DPP10: variants seen among roughly 807,000 people sequenced by gnomAD.
DPP10 encodes the protein inactive dipeptidyl peptidase 10.
In DPP10, 33 loss-of-function variants were observed where a neutral mutation model predicts 120.9. The ratio of observed to expected loss-of-function variants is 0.27; its 90% CI spans 0.21 to 0.37. The LOEUF is 0.37. Among genes scored for constraint, DPP10 ranks in the 10% least tolerant of loss-of-function variants. The pLI, the probability that DPP10 is intolerant of heterozygous loss-of-function variation, is 1.00. For synonymous variants in DPP10, 337 were observed against 326.1 expected (o/e 1.03, Z -0.36); for missense variants, 816 against 942.8 (o/e 0.87, Z 1.76).
Position 115,843,408 on chromosome 2 carries a change from T to C in DPP10, c.*1063T>C, listed in dbSNP as rs1336948517. 1 of 152,606 alleles carries C rather than the reference T, an allele frequency of 6.6e-6. No homozygotes were observed. The highest frequency in any genetic ancestry group is 2.4e-5 in the African/African-American group (1 of 41,462). 9.5% of individuals were successfully genotyped at this position (152,606 alleles called of 1,614,324 possible). On this transcript the variant is annotated 3_prime_UTR_variant, in exon 26 of 26. Transcript: ENST00000410059. ...CTCTTGGTCCTTTTACTTCTTTCTC[T>C]CAGTGCAGAATCAATTCTCATTTTC... is the stretch of plus-strand genomic sequence containing the variant.
chr2:115,380,230 G>A (rs1209113086), intron 3 of DPP10, among the ~76,000 whole-genome samples: 1 of 152,130 alleles, frequency 6.6e-6, no homozygotes, highest in African/African-American at 2.4e-5. Flanking sequence ...ATGAACATGG[G>A]TGCTCCTGTA....
chr2:114,944,851 G>T (rs75023819), intron 1 of DPP10, among the ~76,000 whole-genome samples: 142 of 152,204 alleles, frequency 9.3e-4, no homozygotes, highest in African/African-American at 3.2e-3. Context: ...AGGAGTTTTT[G>T]CAATGACTTA....
intron 5 of DPP10, among the ~76,000 whole-genome samples, chr2:115,570,981 A>G (rs1268185352): frequency 2.0e-5 from 3 of 152,174 alleles, no homozygotes; most frequent in African/African-American, 7.2e-5. Context: ...GTCGGTGGGC[A>G]TTAACCACAG....
chr2:114,916,187 T>C (rs1438566954), intron 1 of DPP10, among the ~76,000 whole-genome samples: 1 of 152,100 alleles, frequency 6.6e-6, no homozygotes, highest in African/African-American at 2.4e-5. Context: ...CTCAGAGGTT[T>C]TTATGAACAC....
intron 1 of DPP10, among the ~76,000 whole-genome samples, chr2:115,160,894 C>A (rs2052261785): frequency 6.6e-6 from 1 of 152,092 alleles, no homozygotes; most frequent in South Asian, 2.1e-4. Flanking sequence ...CCCCTGCGAC[C>A]CTCTCTCTGA....
At chr2:115,539,087 A>T (rs974070228) in intron 5 of DPP10, among the ~76,000 whole-genome samples, 2 of 151,880 alleles carry the variant, frequency 1.3e-5, no homozygotes, top group East Asian at 3.9e-4. Flanking sequence ...TGGATACAGG[A>T]GGTGGATATA....
At chr2:114,563,921 T>A (rs1330603773) in intron 1 of DPP10, among the ~76,000 whole-genome samples, 1 of 152,202 alleles carries the variant, frequency 6.6e-6, no homozygotes, top group Non-Finnish European at 1.5e-5. Context: ...CATGTTGCAT[T>A]CTTGAAGCTT....
rs993149064 is a variant in DPP10 at position 115,826,506 on chromosome 2, A to T, written c.1951-9651A>T. Among the ~76,000 whole-genome samples the T allele has an allele frequency of 2.0e-5, 3 of 152,142 alleles. No individual in the cohort carries two copies. In the East Asian group the frequency reaches 5.8e-4, roughly 29 times the overall value. On this transcript the variant is annotated intron_variant, in intron 21 of 25. Transcript: ENST00000410059. Reference sequence around the variant, plus strand: ...GAGGCCTAGGTGGCTGGATCACCTGAGGTCAGGAGTTCGAGACCAGCCTGG... The same window carrying T: ...GAGGCCTAGGTGGCTGGATCACCTGTGGTCAGGAGTTCGAGACCAGCCTGG...
intron 1 of DPP10, among the ~76,000 whole-genome samples, chr2:114,608,658 G>A (rs978049851): frequency 2.6e-5 from 4 of 151,954 alleles, no homozygotes; most frequent in Non-Finnish European, 4.4e-5. Flanking sequence ...ATGATGCACC[G>A]GGTAAAGCAA....
At chr2:115,046,129 A>C (rs546496113) in intron 1 of DPP10, among the ~76,000 whole-genome samples, 2 of 152,168 alleles carry the variant, frequency 1.3e-5, no homozygotes, top group African/African-American at 4.8e-5. Flanking sequence ...TTTTGGTGAG[A>C]TAGGGAGGTA....
intron 1 of DPP10, chr2:115,066,848 C>G (rs1165529414): frequency 6.6e-6 from 1 of 152,170 alleles, no homozygotes; most frequent in Non-Finnish European, 1.5e-5. Context: ...TAATATACAT[C>G]TTCATTGATT....
chr2:115,692,953 A>G (rs185991154), intron 7 of DPP10, among the ~76,000 whole-genome samples: 23 of 152,314 alleles, frequency 1.5e-4, no homozygotes, highest in African/African-American at 5.5e-4. Context: ...TTGGAAAATA[A>G]TCTGGACCCT....
chr2:114,660,339 T>C (rs1167315610), intron 1 of DPP10, among the ~76,000 whole-genome samples: 1 of 152,202 alleles, frequency 6.6e-6, no homozygotes, highest in Non-Finnish European at 1.5e-5. Flanking sequence ...CCTTGACACC[T>C]GCTCAGAGCT....
chr2:114,460,169 ATATCTATCTATCTATCTATC>A lies in DPP10; in HGVS notation c.60+17367_60+17386del, dbSNP rs10686701. Among the ~76,000 whole-genome samples, 204 of 148,516 alleles carry A rather than the reference ATATCTATCTATCTATCTATC, an allele frequency of 1.4e-3. 1 individual carries two copies. In the Middle Eastern group the frequency reaches 0.014, roughly 10 times the overall value. Reference sequence around the variant, plus strand: ...ATAGCAACCGAATGCATTTGGGATGATATCTATCTATCTATCTATCTATCTATCTATCTATCTATCTATCT... The same window carrying A: ...ATAGCAACCGAATGCATTTGGGATGATATCTATCTATCTATCTATCTATCT... On this transcript the variant is annotated intron_variant, in intron 1 of 25. Coordinates refer to ENST00000410059, the MANE Select transcript of DPP10 (RefSeq NM_020868.6).
At chr2:115,320,911 CCCTCAGCTTT>C (rs2062025995) in intron 2 of DPP10, among the ~76,000 whole-genome samples, 1 of 152,130 alleles carries the variant, frequency 6.6e-6, no homozygotes, top group East Asian at 1.9e-4. Flanking sequence ...ATTGCAAACT[CCCTCAGCTTT>C]CCTCAGCTTT....
chr2:115,084,111 T>A (rs1163973749), intron 1 of DPP10, among the ~76,000 whole-genome samples: 1 of 152,164 alleles, frequency 6.6e-6, no homozygotes, highest in Admixed American at 6.5e-5. Flanking sequence ...CCTATATGAA[T>A]CCCTATTAAT....
chr2:114,941,364 A>G (rs533558210), intron 1 of DPP10, among the ~76,000 whole-genome samples: 2 of 152,306 alleles, frequency 1.3e-5, no homozygotes, highest in South Asian at 4.1e-4. Context: ...ATTCAGTTCT[A>G]AAATCTAAAG....
chr2:115,038,422 C>A (rs1214756460), intron 1 of DPP10, among the ~76,000 whole-genome samples: 1 of 152,010 alleles, frequency 6.6e-6, no homozygotes, highest in Non-Finnish European at 1.5e-5. Context: ...AGGCGCCCGC[C>A]ACCACGCCCG....
At chr2:115,513,612 A>G (rs1441817411) in intron 4 of DPP10, among the ~76,000 whole-genome samples, 4 of 151,952 alleles carry the variant, frequency 2.6e-5, no homozygotes, top group African/African-American at 9.7e-5. Context: ...TGTTCAGATA[A>G]AATACTAATT....
Sources: allele counts gnomAD v4.1 joint callset (sites outside exome capture counted in the v4.1 genomes callset), GRCh38; gene constraint gnomAD v4.1.1; transcripts MANE v1.5; gene names NCBI Gene and HGNC (gene_info 2026-07-23, HGNC 2026-07-21).